SCN11A: variants seen among roughly 807,000 people sequenced by gnomAD.
SCN11A encodes sodium voltage-gated channel alpha subunit 11.
Under a neutral mutation model 162.2 loss-of-function variants are expected in SCN11A, and 122 were observed. The ratio of observed to expected loss-of-function variants is 0.75; its 90% CI spans 0.65 to 0.87. The LOEUF is 0.87. SCN11A is among the 40% of genes least tolerant of loss of function. The probability of loss-of-function intolerance (pLI) is 0.00; values close to 1 mark genes in which losing one functional copy is unlikely to be tolerated. For missense variants in SCN11A, 2,015 were observed against 2,181.6 expected (o/e 0.92, Z 1.52); for synonymous variants, 758 against 751.5 (o/e 1.01, Z -0.14).
intron 3 of SCN11A, among the ~76,000 whole-genome samples, chr3:38,958,860 G>GAT (rs2066713387): frequency 6.6e-6 from 1 of 152,110 alleles, no homozygotes; most frequent in South Asian, 2.1e-4. Context: ...AATTTTATGA[G>GAT]ATATATATTA....
At chr3:38,974,343 G>C (rs1355455697) in intron 2 of SCN11A, among the ~76,000 whole-genome samples, 1 of 152,124 alleles carries the variant, frequency 6.6e-6, no homozygotes, top group East Asian at 1.9e-4. Context: ...TATGGCACAG[G>C]AATACAAAAT....
At chr3:38,923,793 T>C (rs944765076) in intron 9 of SCN11A, among the ~76,000 whole-genome samples, 4 of 151,878 alleles carry the variant, frequency 2.6e-5, no homozygotes, top group African/African-American at 9.7e-5. Context: ...CTGTGAAAGA[T>C]GAGTCGGGGG....
chr3:38,915,383 T>C (rs2065945293), intron 11 of SCN11A, among the ~76,000 whole-genome samples: 1 of 152,152 alleles, frequency 6.6e-6, no homozygotes, highest in Non-Finnish European at 1.5e-5. Context: ...CTCTAACTCT[T>C]TCCATTGTGA....
chr3:38,950,458 T>C, intron 4 of SCN11A, 89 bp from the exon 5 acceptor site: 1 of 1,370,262 alleles, frequency 7.3e-7, no homozygotes, highest in African/African-American at 1.4e-5. Flanking sequence ...TCTTAAAGGA[T>C]GGTGTCATAA....
At chr3:38,931,371 A>T (rs1377026496) in intron 7 of SCN11A, among the ~76,000 whole-genome samples, 1 of 152,176 alleles carries the variant, frequency 6.6e-6, no homozygotes, top group Non-Finnish European at 1.5e-5. Flanking sequence ...GTAGTCAAAG[A>T]AAGGGCAGTT....
intron 5 of SCN11A, among the ~76,000 whole-genome samples, chr3:38,948,298 C>T (rs1232159468): frequency 6.6e-6 from 1 of 152,148 alleles, no homozygotes; most frequent in Non-Finnish European, 1.5e-5. Context: ...CCTTCTGTGC[C>T]TTTGATTTTG....
chr3:38,911,410 G>T (rs2065886028), intron 11 of SCN11A, among the ~76,000 whole-genome samples: 2 of 151,978 alleles, frequency 1.3e-5, no homozygotes, highest in Non-Finnish European at 2.9e-5. Context: ...GTTCCTTTTT[G>T]GGTGACCTTC....
chr3:38,973,336 A>C (rs2066828693), intron 2 of SCN11A, among the ~76,000 whole-genome samples: 1 of 152,160 alleles, frequency 6.6e-6, no homozygotes, highest in Admixed American at 6.5e-5. Flanking sequence ...AAGTCTGTTA[A>C]TTAGAGGCTC....
At chr3:39,003,207 T>C (rs150120440) in intron 2 of SCN11A, among the ~76,000 whole-genome samples, 2,129 of 152,224 alleles carry the variant, frequency 0.014, 17 homozygotes, top group Non-Finnish European at 0.018. Context: ...TAGACCCCCG[T>C]GTCTATTGTT....
chr3:38,850,806 C>A, intron 28 of SCN11A, 55 bp from the exon 29 acceptor site: 1 of 1,394,214 alleles, frequency 7.2e-7, no homozygotes, highest in Admixed American at 2.3e-5. Context: ...AAATTACATA[C>A]AATAAAAAGA....
intron 7 of SCN11A, among the ~76,000 whole-genome samples, chr3:38,940,350 A>G (rs919557747): frequency 2.6e-5 from 4 of 152,184 alleles, no homozygotes; most frequent in Non-Finnish European, 4.4e-5. Context: ...AAACTAACCA[A>G]GTTGACTATA....
chr3:38,850,373 G>C, intron 29 of SCN11A, 108 bp downstream of exon 29: 2 of 980,348 alleles, frequency 2.0e-6, no homozygotes, highest in East Asian at 4.8e-5. Flanking sequence ...AAGTACACTT[G>C]GCCCAGTTTT....
At chr3:38,949,984 G>C (rs568018908) in intron 5 of SCN11A, 112 bp downstream of exon 5, 1 of 700,564 alleles carries the variant, frequency 1.4e-6, no homozygotes, top group South Asian at 1.9e-5. Context: ...AAGAGGCACA[G>C]CCTGCCTGCT....
At chr3:38,983,684 CTTT>C (rs955956635) in intron 2 of SCN11A, among the ~76,000 whole-genome samples, 6 of 152,340 alleles carry the variant, frequency 3.9e-5, no homozygotes, top group African/African-American at 1.4e-4. Flanking sequence ...GAAAGAATCT[CTTT>C]GAGTTGCTAA....
chr3:38,908,698 A>C (rs1046311934), intron 13 of SCN11A, among the ~76,000 whole-genome samples: 1 of 152,122 alleles, frequency 6.6e-6, no homozygotes, highest in Non-Finnish European at 1.5e-5. Flanking sequence ...ATTTACATAT[A>C]CTTATGTTGT....
At chr3:38,970,210 T>C (rs919904726) in intron 2 of SCN11A, among the ~76,000 whole-genome samples, 1 of 152,164 alleles carries the variant, frequency 6.6e-6, no homozygotes, top group Non-Finnish European at 1.5e-5. Flanking sequence ...GGACCCTCGA[T>C]TGGATCTATT....
intron 8 of SCN11A, 106 bp from the exon 9 acceptor site, chr3:38,925,615 C>A: frequency 1.4e-6 from 1 of 717,536 alleles, no homozygotes; most frequent in Non-Finnish European, 2.4e-6. Flanking sequence ...CTGTGACCTC[C>A]AAGGTGAAAT....
chr3:39,001,740 A>C (rs2030818868), intron 2 of SCN11A, among the ~76,000 whole-genome samples: 1 of 151,998 alleles, frequency 6.6e-6, no homozygotes, highest in African/African-American at 2.4e-5. Context: ...CAAACAAACA[A>C]AACACTATTA....
chr3:38,983,160 T>A (rs2030120196), intron 2 of SCN11A, among the ~76,000 whole-genome samples: 2 of 152,166 alleles, frequency 1.3e-5, no homozygotes, highest in African/African-American at 4.8e-5. Flanking sequence ...TCCTTTATAG[T>A]ACCTGAGTGG....
Sources: allele counts gnomAD v4.1 joint callset (sites outside exome capture counted in the v4.1 genomes callset), GRCh38; gene constraint gnomAD v4.1.1; transcripts MANE v1.5; gene names NCBI Gene and HGNC (gene_info 2026-07-23, HGNC 2026-07-21).